The following FOXN3 variants were observed in gnomAD, a reference collection of about 807,000 sequenced individuals.
The protein encoded by FOXN3 is forkhead box N3.
A neutral mutation model predicts 38.4 loss-of-function variants in FOXN3; 7 were observed. The ratio of observed to expected loss-of-function variants is 0.18; its 90% confidence interval spans 0.10 to 0.34. The LOEUF (loss-of-function observed/expected upper bound fraction) is 0.34, where lower values mean the gene tolerates loss of function less well. FOXN3 is among the 10% of genes least tolerant of loss of function. FOXN3 has a pLI of 1.00. For missense variants in FOXN3, 456 were observed against 613.4 expected, an observed-to-expected ratio of 0.74 and a Z score of 2.71; for synonymous variants, 230 against 242.2, an observed-to-expected ratio of 0.95 and a Z score of 0.47.
At chr14:89,550,546 C>T (rs1894982842) in intron 1 of FOXN3, among the ~76,000 whole-genome samples, 1 of 152,124 alleles carries the variant, frequency 6.6e-6, no homozygotes, top group Non-Finnish European at 1.5e-5. Context: ...AGGGATAAAA[C>T]TGAAAAAGAG....
At chr14:89,183,054 CAT>C (rs1887713975) in intron 4 of FOXN3, among the ~76,000 whole-genome samples, 1 of 152,222 alleles carries the variant, frequency 6.6e-6, no homozygotes, top group African/African-American at 2.4e-5. Context: ...CAAGGACAGA[CAT>C]ATGTAGAAGA....
chr14:89,594,122 T>G (rs1896009805), intron 1 of FOXN3, among the ~76,000 whole-genome samples: 1 of 152,248 alleles, frequency 6.6e-6, no homozygotes, highest in Admixed American at 6.5e-5. Flanking sequence ...TGATGGACAC[T>G]GGGTGGATTC....
At chr14:89,569,214 G>A (rs243190) in intron 1 of FOXN3, among the ~76,000 whole-genome samples, 118,119 of 151,144 alleles carry the variant, frequency 0.78, 46,774 homozygotes, top group Non-Finnish European at 0.85. Context: ...CAAAGAAAAA[G>A]AAAGGTGCCA....
chr14:89,187,855 C>T (rs1318328170), intron 4 of FOXN3, among the ~76,000 whole-genome samples: 1 of 152,156 alleles, frequency 6.6e-6, no homozygotes, highest in Non-Finnish European at 1.5e-5. Flanking sequence ...TCCTTGGGGT[C>T]CTTACAACCT....
At chr14:89,608,170 G>A (rs1566716720) in intron 1 of FOXN3, among the ~76,000 whole-genome samples, 1 of 64 alleles carries the variant, frequency 0.016, no homozygotes, top group African/African-American at 0.1. Context: ...AGTAGAGATG[G>A]GGGTTTCACC....
intron 4 of FOXN3, among the ~76,000 whole-genome samples, chr14:89,202,417 CTT>C (rs1888258863): frequency 6.6e-6 from 1 of 152,198 alleles, no homozygotes; most frequent in South Asian, 2.1e-4. Flanking sequence ...GAGGCAATCT[CTT>C]TGTTACAAAA....
At chr14:89,452,855 A>G (rs1892639569) in intron 1 of FOXN3, among the ~76,000 whole-genome samples, 1 of 152,230 alleles carries the variant, frequency 6.6e-6, no homozygotes, top group South Asian at 2.1e-4. Flanking sequence ...CATAACCACC[A>G]CAACTTAAAC....
intron 4 of FOXN3, among the ~76,000 whole-genome samples, chr14:89,222,112 G>A (rs768912306): frequency 1.3e-5 from 2 of 152,138 alleles, no homozygotes; most frequent in Non-Finnish European, 2.9e-5. Context: ...CACCGCGCCC[G>A]GCCTACACAA....
chr14:89,514,183 G>A (rs1049887850), intron 1 of FOXN3, among the ~76,000 whole-genome samples: 1 of 152,130 alleles, frequency 6.6e-6, no homozygotes, highest in Non-Finnish European at 1.5e-5. Flanking sequence ...GATGGAAGGT[G>A]GGGAGAAGTT....
At chr14:89,465,978 A>T (rs1471958389) in intron 1 of FOXN3, among the ~76,000 whole-genome samples, 1 of 152,238 alleles carries the variant, frequency 6.6e-6, no homozygotes, top group Non-Finnish European at 1.5e-5. Context: ...TCTCCATCTC[A>T]TTAGCTTTAT....
chr14:89,556,633 A>G (rs1780937455), intron 1 of FOXN3, among the ~76,000 whole-genome samples: 1 of 152,170 alleles, frequency 6.6e-6, no homozygotes, highest in African/African-American at 2.4e-5. Context: ...GGGGTAAGGG[A>G]GGAGCCTCCC....
chr14:89,614,486 G>A (rs150188449), intron 1 of FOXN3, among the ~76,000 whole-genome samples: 201 of 152,216 alleles, frequency 1.3e-3, no homozygotes, highest in Middle Eastern at 0.01. Flanking sequence ...ACTGTATTAC[G>A]TCACTAATTG....
At chr14:89,425,040 GTGTTT>G (rs1404417051) in intron 1 of FOXN3, among the ~76,000 whole-genome samples, 41 of 138,348 alleles carry the variant, frequency 3.0e-4, no homozygotes, top group African/African-American at 9.6e-4. Context: ...TTTTTTTGTT[GTGTTT>G]TGTTTTGTTT....
In FOXN3 at chr14:89,158,703, A is replaced by G. The variant is rs1887032516; in HGVS notation, c.*3711T>C. On this transcript the variant is annotated 3_prime_UTR_variant, in exon 6 of 6. Transcript: ENST00000557258. ...AAGACAATTATAATAGGATAAAAAT[A>G]ACTGTTTATATGTATATCATTTAAG... is the stretch of plus-strand genomic sequence containing the variant. 1 of 152,642 alleles carries G rather than the reference A, an allele frequency of 6.6e-6. No individual in the cohort carries two copies. The highest frequency in any genetic ancestry group is 2.4e-5 in the African/African-American group (1 of 41,440). 9.5% of individuals were successfully genotyped at this position (152,642 alleles called of 1,614,324 possible).
At chr14:89,505,544 C>T (rs1241432851) in intron 1 of FOXN3, among the ~76,000 whole-genome samples, 1 of 152,278 alleles carries the variant, frequency 6.6e-6, no homozygotes, top group South Asian at 2.1e-4. Flanking sequence ...CCCGAGGTGC[C>T]GGGATGGCAG....
chr14:89,241,959 C>A (rs1230065773), intron 4 of FOXN3, among the ~76,000 whole-genome samples: 3 of 152,228 alleles, frequency 2.0e-5, no homozygotes, highest in African/African-American at 7.2e-5. Flanking sequence ...TGCTGCTCCC[C>A]CGGACAAGGC....
chr14:89,381,333 G>A lies in FOXN3; in HGVS notation c.544-30525C>T, dbSNP rs116171926. Among the ~76,000 whole-genome samples, 7 of 151,802 alleles carry A rather than the reference G, an allele frequency of 4.6e-5. No homozygotes were observed. The East Asian group carries it at 7.7e-4, about 17-fold the overall frequency. On this transcript the variant is annotated intron_variant, in intron 2 of 5. Coordinates refer to ENST00000557258, the MANE Select transcript of FOXN3 (RefSeq NM_005197.4). The stretch of plus-strand genomic sequence containing the variant: ...CCTTGGGTGACTCACAGGATACCTC[G>A]AACCCCGAGGCCTACAAAATCACAC...
At chr14:89,206,065 C>T (rs927279750) in intron 4 of FOXN3, among the ~76,000 whole-genome samples, 1 of 152,344 alleles carries the variant, frequency 6.6e-6, no homozygotes, top group Non-Finnish European at 1.5e-5. Flanking sequence ...TGGCATCAGA[C>T]GCGGAATCTG....
intron 4 of FOXN3, among the ~76,000 whole-genome samples, chr14:89,225,603 C>A (rs1336025680): frequency 6.6e-6 from 1 of 151,046 alleles, no homozygotes; most frequent in Non-Finnish European, 1.5e-5. Flanking sequence ...GACTCCGTCT[C>A]AAAAAAAATA....
Sources: gnomAD v4.1 joint callset for allele counts (sites outside exome capture counted in the v4.1 genomes callset) on GRCh38, gnomAD v4.1.1 for gene constraint, MANE v1.5 for transcripts, NCBI Gene and HGNC (gene_info 2026-07-23, HGNC 2026-07-21) for gene names.